The following BLVRB variants were observed in gnomAD, a reference collection of about 807,000 sequenced individuals.
The protein encoded by BLVRB is biliverdin reductase B.
BLVRB carries 25 observed loss-of-function variants against 21.1 expected under a neutral mutation model. The observed-to-expected ratio is 1.19, with a 90% CI of 0.86 to 1.66. BLVRB has a LOEUF of 1.66. Ranked by LOEUF, BLVRB falls within the 40% of genes most tolerant of loss-of-function variation. The pLI is 0.00. For missense variants in BLVRB, 274 were observed against 282.7 expected (o/e 0.97, Z 0.22); for synonymous variants, 128 against 122.2 (o/e 1.05, Z -0.31).
At chr19:40,462,279 CTT>C (rs1555806553) in intron 1 of BLVRB, among the ~76,000 whole-genome samples, 27 of 129,546 alleles carry the variant, frequency 2.1e-4, no homozygotes, top group Admixed American at 4.6e-4. Context: ...TATGGGCATT[CTT>C]TTTTTTTTTT....
chr19:40,448,002 G>A lies in BLVRB; in HGVS notation c.508C>T (p.Arg170Ter), dbSNP rs549377727. Residue 170 changes from arginine (R) to a stop codon, truncating the protein, a stop_gained, in exon 5 of 5, where the codon CGA becomes TGA. Transcript: ENST00000263368. LOFTEE classifies it high-confidence loss of function. ...TGAYTVTLDGRGPSRVISKHD... is the reference protein window; with the variant it reads ...TGAYTVTLDG ...TTGGAGATGACCCTTGAGGGCCCTCGTCCATCCAGGGTCACTGTGTACGCC... is the reference window on the plus strand; with the variant it reads ...TTGGAGATGACCCTTGAGGGCCCTCATCCATCCAGGGTCACTGTGTACGCC... 11 of 1,614,048 alleles carry A rather than the reference G, an allele frequency of 6.8e-6. No individual in the cohort carries two copies. The South Asian group carries it at 7.7e-5, about 11-fold the overall frequency.
At chr19:40,450,103 C>A (rs2079732456) in intron 4 of BLVRB, 1 of 137,400 alleles carries the variant, frequency 7.3e-6, no homozygotes, top group Non-Finnish European at 1.5e-5. Context: ...GGGGCTGAGG[C>A]AGGAGAATCA....
In BLVRB at chr19:40,458,277, G is replaced by GGGC. The variant is rs751269661; in HGVS notation, c.245-36_245-34dup. 242 of 1,576,974 alleles carry GGGC rather than the reference G, an allele frequency of 1.5e-4. 1 individual carries two copies. The African/African-American group carries it at 2.6e-3, about 17-fold the overall frequency. ...GGGACAGAGAGTGGCTGTCACTGGT[G>GGGC]GGCGGCGGCGGCGGCAGGGGTGGCA... On this transcript the variant is annotated intron_variant, in intron 2 of 4. Transcript: ENST00000263368.
At chr19:40,452,473 C>T (rs1458229747) in intron 3 of BLVRB, among the ~76,000 whole-genome samples, 7 of 149,924 alleles carry the variant, frequency 4.7e-5, no homozygotes, top group Non-Finnish European at 8.9e-5. Context: ...CCACCAAACC[C>T]CACTATTTTT....
chr19:40,460,953 CAA>C (rs902396349), intron 1 of BLVRB, among the ~76,000 whole-genome samples: 31 of 151,966 alleles, frequency 2.0e-4, no homozygotes, highest in African/African-American at 7.3e-4. Context: ...GCCTGGGCAA[CAA>C]GAGCGAAACT....
intron 1 of BLVRB, among the ~76,000 whole-genome samples, chr19:40,463,477 A>G (rs986933559): frequency 6.6e-6 from 1 of 151,502 alleles, no homozygotes; most frequent in African/African-American, 2.4e-5. Context: ...GCCTGTTAAG[A>G]CTCTTGGCCC....
chr19:40,455,825 G>A (rs1031789129), intron 3 of BLVRB, among the ~76,000 whole-genome samples: 1 of 151,992 alleles, frequency 6.6e-6, no homozygotes, highest in African/African-American at 2.4e-5. Flanking sequence ...TCAGGAATAT[G>A]GCTGTTGGCC....
intron 1 of BLVRB, among the ~76,000 whole-genome samples, chr19:40,462,335 G>A (rs1409164658): frequency 6.7e-6 from 1 of 149,514 alleles, no homozygotes; most frequent in Admixed American, 6.7e-5. Context: ...CTGGAGTGCA[G>A]TGGCGCAATC....
At chr19:40,454,425 G>T (rs2079753611) in intron 3 of BLVRB, among the ~76,000 whole-genome samples, 1 of 152,116 alleles carries the variant, frequency 6.6e-6, no homozygotes, top group Non-Finnish European at 1.5e-5. Context: ...ACTGCGCCTG[G>T]TCTAGGATTT....
Position 40,447,963 on chromosome 19 carries a change from G to A in BLVRB, c.547C>T (p.His183Tyr). ...SRVISKHDLG[H>Y]FMLRCLTTDE... ...GTGGTGAGGCAGCGCAGCATGAAAT[G>A]GCCCAGGTCATGTTTGGAGATGACC... Residue 183 changes from histidine to tyrosine, a missense_variant, in exon 5 of 5, where the codon CAT (histidine) becomes TAT (tyrosine). His to Tyr is a moderately conservative substitution (Grantham distance 83). Coordinates refer to ENST00000263368, the MANE Select transcript of BLVRB (RefSeq NM_000713.3). 1.2e-6 allele frequency: 2 copies of A among 1,614,100 alleles called. No homozygotes were observed. The highest frequency in any genetic ancestry group is 1.7e-6 in the Non-Finnish European group (2 of 1,180,008).
chr19:40,465,543 C>A, intron 1 of BLVRB, 67 bp downstream of exon 1: 1 of 1,546,218 alleles, frequency 6.5e-7, no homozygotes. Flanking sequence ...GGCCCGACCC[C>A]ATGGTGCCCC....
intron 3 of BLVRB, among the ~76,000 whole-genome samples, chr19:40,457,147 TG>T (rs1599688731): frequency 7.0e-6 from 1 of 143,008 alleles, no homozygotes; most frequent in East Asian, 2.0e-4. Context: ...CACTCCAGCC[TG>T]GGTGACAGAA....
chr19:40,449,854 CT>C (rs2079731033), intron 4 of BLVRB, among the ~76,000 whole-genome samples: 1 of 152,146 alleles, frequency 6.6e-6, no homozygotes, highest in African/African-American at 2.4e-5. Flanking sequence ...AAACAAAGGG[CT>C]TATGTGTATT....
At chr19:40,461,173 G>A (rs1434229998) in intron 1 of BLVRB, among the ~76,000 whole-genome samples, 3 of 152,114 alleles carry the variant, frequency 2.0e-5, no homozygotes, top group Non-Finnish European at 4.4e-5. Flanking sequence ...ATGAGCTACC[G>A]AGCGTGGCCT....
At chr19:40,457,648 C>T (rs1206418075) in intron 3 of BLVRB, 1 of 139,578 alleles carries the variant, frequency 7.2e-6, no homozygotes, top group Non-Finnish European at 1.5e-5. Context: ...AAACAAACCT[C>T]AAAATAACTA....
intron 3 of BLVRB, among the ~76,000 whole-genome samples, chr19:40,455,654 C>T (rs2079759274): frequency 1.3e-5 from 2 of 152,160 alleles, no homozygotes; most frequent in South Asian, 2.1e-4. Flanking sequence ...GCCAAGATCA[C>T]GCCACTGTAT....
chr19:40,457,842 T>C lies in BLVRB; in HGVS notation c.334+313A>G, dbSNP rs1327823241. On this transcript the variant is annotated intron_variant, in intron 3 of 4. Transcript: ENST00000263368. The stretch of plus-strand genomic sequence containing the variant: ...GTCGGACGCCTCCTCTGGGCTCCCA[T>C]AGTCCTGTAGTTTCTCCCATTGTGG... 1.1e-5 allele frequency: 4 copies of C among 374,162 alleles called. No homozygotes were observed. In the East Asian group the frequency reaches 1.6e-4, roughly 15 times the overall value. 23.2% of individuals were successfully genotyped at this position (374,162 alleles called of 1,614,324 possible). A position where few individuals can be genotyped will look rare whatever the true frequency, so the allele number is the denominator to read the frequency against.
intron 1 of BLVRB, among the ~76,000 whole-genome samples, chr19:40,463,634 G>A (rs1350514101): frequency 1.4e-5 from 2 of 139,278 alleles, no homozygotes; most frequent in East Asian, 4.5e-4. Flanking sequence ...CTTTCATCTT[G>A]CTGTGTCACC....
chr19:40,449,688 G>A (rs142326384), intron 4 of BLVRB, among the ~76,000 whole-genome samples: 2 of 152,238 alleles, frequency 1.3e-5, no homozygotes, highest in African/African-American at 4.8e-5. Flanking sequence ...AGTTAAGTGC[G>A]ACAATGTTGC....
Sources: gnomAD v4.1 joint callset for allele counts (sites outside exome capture counted in the v4.1 genomes callset) on GRCh38, gnomAD v4.1.1 for gene constraint, MANE v1.5 for transcripts, NCBI Gene and HGNC (gene_info 2026-07-23, HGNC 2026-07-21) for gene names.